Variants in PAK6 observed in about 807,000 individuals in gnomAD.
The protein encoded by PAK6 is p21 (RAC1) activated kinase 6, also known as serine/threonine-protein kinase PAK 6.
Under a neutral mutation model 60.8 loss-of-function variants are expected in PAK6, and 33 were observed. That is an observed-to-expected ratio of 0.54 (90% CI 0.41 to 0.73). The LOEUF (loss-of-function observed/expected upper bound fraction) is 0.73. Among genes scored for constraint, PAK6 ranks in the 30% least tolerant of loss-of-function variants. PAK6 has a pLI of 0.00. For synonymous variants in PAK6, 404 were observed against 378.5 expected, an observed-to-expected ratio of 1.07 and a Z score of -0.78; for missense variants, 845 against 904.1, an observed-to-expected ratio of 0.93 and a Z score of 0.84.
rs150671887 is a variant in PAK6 at position 40,247,902 on chromosome 15, C to T, written c.-117-5276C>T. On this transcript the variant is annotated intron_variant, in intron 2 of 10. Transcript: ENST00000560346. ...AAGCTCCAGTGTGCATGCCCAGGGTCGGGGAGGGGAGCTTTCTCCTTGGTC... is the reference window on the plus strand; with the variant it reads ...AAGCTCCAGTGTGCATGCCCAGGGTTGGGGAGGGGAGCTTTCTCCTTGGTC... 9.1e-3 allele frequency among the ~76,000 whole-genome samples: 1,392 copies of T among 152,238 alleles called. 11 individuals carry two copies. The highest frequency in any genetic ancestry group is 0.023 in the African/African-American group (969 of 41,532).
At chr15:40,250,106 G>A (rs1437391955) in intron 2 of PAK6, among the ~76,000 whole-genome samples, 2 of 152,244 alleles carry the variant, frequency 1.3e-5, no homozygotes, top group South Asian at 2.1e-4. Flanking sequence ...AGGAGACACT[G>A]TCCCCAGACT....
intron 2 of PAK6, chr15:40,252,404 G>A (rs772010836): frequency 4.5e-6 from 6 of 1,345,780 alleles, no homozygotes; most frequent in Admixed American, 2.0e-5. Context: ...GGGAACTGGG[G>A]CCAAGCAGGT....
At chr15:40,267,603 G>A (rs1345934266) in intron 5 of PAK6, among the ~76,000 whole-genome samples, 1 of 152,192 alleles carries the variant, frequency 6.6e-6, no homozygotes, top group Non-Finnish European at 1.5e-5. Context: ...AGCTTGCCGT[G>A]AGCTGAGATC....
intron 5 of PAK6, among the ~76,000 whole-genome samples, chr15:40,270,473 C>A (rs77419848): frequency 0.011 from 1,608 of 152,292 alleles, 25 homozygotes; most frequent in African/African-American, 0.037. Flanking sequence ...TGCACACGTC[C>A]CTGCATTGTA....
chr15:40,277,485 C>T (rs2039485309), exon 11 of PAK6: 1 of 152,364 alleles, frequency 6.6e-6, no homozygotes, highest in Non-Finnish European at 1.5e-5. Flanking sequence ...GTGTTCAAAG[C>T]CATTGGGCTT....
At chr15:40,250,935 A>C (rs2038648312) in intron 2 of PAK6, 1 of 152,516 alleles carries the variant, frequency 6.6e-6, no homozygotes, top group Admixed American at 6.5e-5. Flanking sequence ...CCAGCATTCG[A>C]CCAGTGTACC....
intron 2 of PAK6, chr15:40,252,278 C>A: frequency 8.3e-7 from 1 of 1,211,734 alleles, no homozygotes; most frequent in Non-Finnish European, 1.0e-6. Flanking sequence ...TTACACACAG[C>A]CGGCGCTCAG....
chr15:40,266,219 G>T (rs1331493048), exon 5 of PAK6: 1 of 1,610,030 alleles, frequency 6.2e-7, no homozygotes, highest in Admixed American at 1.7e-5. Flanking sequence ...GCTGTCTGCA[G>T]CTGGGTGCCT....
At chr15:40,252,474 C>T in intron 2 of PAK6, 2 of 1,362,694 alleles carry the variant, frequency 1.5e-6, no homozygotes, top group African/African-American at 2.9e-5. Context: ...GGCCAAGGCC[C>T]CAGCGACACT....
chr15:40,271,224 G>T (rs1311244478), intron 5 of PAK6, among the ~76,000 whole-genome samples: 1 of 152,256 alleles, frequency 6.6e-6, no homozygotes, highest in East Asian at 1.9e-4. Flanking sequence ...AGAACCCAAA[G>T]ATGGGCGGGC....
At chr15:40,274,028 C>A in intron 9 of PAK6, 114 bp from the exon 10 acceptor site, 2 of 1,266,598 alleles carry the variant, frequency 1.6e-6, no homozygotes, top group Non-Finnish European at 2.2e-6. Context: ...AGGAGACAGA[C>A]CCACCAAGGA....
At position 40,265,737 on chromosome 15, in the gene PAK6, T is replaced by A. The variant is rs563333838; in HGVS notation, c.205-105T>A. 8.0e-5 allele frequency: 82 copies of A among 1,023,466 alleles called. No homozygotes were observed. In the African/African-American group the frequency reaches 1.3e-3, roughly 16 times the overall value. The allele number at this position is 1,023,466 out of a possible 1,614,324, so 63.4% of individuals were successfully genotyped here. The stretch of plus-strand genomic sequence containing the variant: ...CACAGCAGGGAAGGTCCTTAGGTGG[T>A]CCTCCCCAGGGCCCCCAGGGACATT... On this transcript the variant is annotated intron_variant, in intron 4 of 10. Transcript: ENST00000560346.
At chr15:40,248,878 G>A (rs1246747292) in intron 2 of PAK6, among the ~76,000 whole-genome samples, 1 of 152,234 alleles carries the variant, frequency 6.6e-6, no homozygotes, top group Non-Finnish European at 1.5e-5. Context: ...CTAAGCAGCA[G>A]AGTTGAGAGA....
chr15:40,275,868 T>G, intron 10 of PAK6, 59 bp from the exon 11 acceptor site: 1 of 1,496,636 alleles, frequency 6.7e-7, no homozygotes, highest in South Asian at 1.2e-5. Flanking sequence ...GTCCAGGCAA[T>G]CAGGTCACCC....
intron 2 of PAK6, 138 bp downstream of exon 2, chr15:40,240,819 C>T (rs1372141446): frequency 9.1e-6 from 3 of 328,188 alleles, no homozygotes; most frequent in Non-Finnish European, 1.8e-5. Flanking sequence ...GGCTCCACTC[C>T]CCACCCGGCC....
chr15:40,266,666 C>G, intron 5 of PAK6, 171 bp downstream of exon 5: 1 of 530,378 alleles, frequency 1.9e-6, no homozygotes, highest in Non-Finnish European at 3.2e-6. Context: ...GGCTCGCCTC[C>G]TCCTTCCCTC....
intron 10 of PAK6, among the ~76,000 whole-genome samples, chr15:40,275,280 GT>G (rs869058525): frequency 0.012 from 680 of 56,454 alleles, 5 homozygotes; most frequent in African/African-American, 0.045. Flanking sequence ...GTTGTTGTTG[GT>G]TTTTTTTTTT....
chr15:40,272,112 C>G (rs2039319911), intron 5 of PAK6, 112 bp from the exon 6 acceptor site: 1 of 1,205,842 alleles, frequency 8.3e-7, no homozygotes, highest in African/African-American at 1.5e-5. Flanking sequence ...GATCTGATAC[C>G]CCGCCTGACC....
chr15:40,269,934 C>G (rs1397865118), intron 5 of PAK6, among the ~76,000 whole-genome samples: 2 of 152,230 alleles, frequency 1.3e-5, no homozygotes, highest in East Asian at 3.8e-4. Context: ...CAGAAGCCCT[C>G]AAGGCCAGGA....
Sources: gnomAD v4.1 joint callset for allele counts (sites outside exome capture counted in the v4.1 genomes callset) on GRCh38, gnomAD v4.1.1 for gene constraint, MANE v1.5 for transcripts, NCBI Gene and HGNC (gene_info 2026-07-23, HGNC 2026-07-21) for gene names.